The following KCNN3 variants were observed in gnomAD, a reference collection of about 807,000 sequenced individuals.
KCNN3 encodes potassium calcium-activated channel subfamily N member 3.
Under a neutral mutation model 62.9 loss-of-function variants are expected in KCNN3, and 16 were observed. That is an observed-to-expected ratio of 0.25 (90% CI 0.17 to 0.39). The LOEUF is 0.39. Among genes scored for constraint, KCNN3 ranks in the 10% least tolerant of loss-of-function variants. The pLI is 1.00. For missense variants in KCNN3, 599 were observed against 949.4 expected (o/e 0.63, Z 4.85); for synonymous variants, 370 against 389.2 (o/e 0.95, Z 0.58).
At chr1:154,860,830 T>C (rs1053622643) in intron 1 of KCNN3, among the ~76,000 whole-genome samples, 1 of 152,160 alleles carries the variant, frequency 6.6e-6, no homozygotes, top group African/African-American at 2.4e-5. Context: ...ACCCAGTGTG[T>C]GGCTGGCTCT....
intron 1 of KCNN3, among the ~76,000 whole-genome samples, chr1:154,822,461 T>C (rs1650943016): frequency 6.6e-6 from 1 of 152,220 alleles, no homozygotes; most frequent in Non-Finnish European, 1.5e-5. Flanking sequence ...GGGCATGATG[T>C]ATTATGTTTG....
chr1:154,754,972 A>G (rs1647567432), intron 3 of KCNN3, among the ~76,000 whole-genome samples: 1 of 152,214 alleles, frequency 6.6e-6, no homozygotes, highest in South Asian at 2.1e-4. Context: ...GAAGATGTAT[A>G]TAAAACTTGG....
chr1:154,812,572 T>C (rs1056392164), intron 2 of KCNN3, among the ~76,000 whole-genome samples: 11 of 152,298 alleles, frequency 7.2e-5, no homozygotes, highest in African/African-American at 2.6e-4. Context: ...TCTATTAAGC[T>C]GAGCACTTGT....
At chr1:154,728,769 G>T (rs779041196) in intron 4 of KCNN3, among the ~76,000 whole-genome samples, 1 of 152,106 alleles carries the variant, frequency 6.6e-6, no homozygotes, top group Non-Finnish European at 1.5e-5. Context: ...GGGTCAAGGG[G>T]GGAAAGAGAG....
intron 4 of KCNN3, among the ~76,000 whole-genome samples, chr1:154,728,429 G>A (rs1189298537): frequency 6.6e-6 from 1 of 152,126 alleles, no homozygotes; most frequent in Non-Finnish European, 1.5e-5. Context: ...GATGTAATTA[G>A]GGCAGTCACC....
At chr1:154,815,182 T>C (rs1164103554) in intron 2 of KCNN3, among the ~76,000 whole-genome samples, 2 of 152,110 alleles carry the variant, frequency 1.3e-5, no homozygotes, top group Admixed American at 6.5e-5. Flanking sequence ...AATGAAGGTA[T>C]TTCTAATTCA....
chr1:154,817,687 A>G (rs755269754), intron 2 of KCNN3, among the ~76,000 whole-genome samples: 14 of 152,316 alleles, frequency 9.2e-5, no homozygotes, highest in Admixed American at 1.3e-4. Flanking sequence ...TCTGCCTGCT[A>G]GCCTGCCTTC....
At chr1:154,830,460 C>T (rs1651336192) in intron 1 of KCNN3, among the ~76,000 whole-genome samples, 1 of 152,238 alleles carries the variant, frequency 6.6e-6, no homozygotes, top group Admixed American at 6.5e-5. Context: ...TGAAGAAGCC[C>T]CCAGTTGTGT....
intron 6 of KCNN3, 79 bp downstream of exon 6, chr1:154,714,797 T>C: frequency 3.2e-6 from 5 of 1,581,354 alleles, no homozygotes; most frequent in Non-Finnish European, 4.3e-6. Flanking sequence ...GGATTTCTTC[T>C]GTGCTACTGA....
At chr1:154,741,469 T>C (rs2101802461) in intron 3 of KCNN3, among the ~76,000 whole-genome samples, 1 of 152,344 alleles carries the variant, frequency 6.6e-6, no homozygotes, top group South Asian at 2.1e-4. Context: ...GCTTCAGTAA[T>C]TCAGTGAATC....
chr1:154,860,608 G>T (rs1464441788), intron 1 of KCNN3, among the ~76,000 whole-genome samples: 1 of 152,162 alleles, frequency 6.6e-6, no homozygotes. Context: ...ACCCAACAAG[G>T]TCTATCCAGA....
intron 2 of KCNN3, among the ~76,000 whole-genome samples, chr1:154,812,952 C>T (rs1268873991): frequency 1.3e-5 from 2 of 152,198 alleles, no homozygotes; most frequent in Non-Finnish European, 2.9e-5. Context: ...GCCACTCTCC[C>T]GACATTTTCC....
In KCNN3 at chr1:154,755,602, AGGG is replaced by A. The variant is rs1164881344; in HGVS notation, c.1448+16370_1448+16372del. ...AAAGAAAGAAAGAAGGGAGGGAGGG[AGGG>A]GGAGGGAGGGAGGGAAGGAAGGAAA... On this transcript the variant is annotated intron_variant, in intron 3 of 7. Transcript: ENST00000271915. Among the ~76,000 whole-genome samples, 6 of 72,288 alleles carry A rather than the reference AGGG, an allele frequency of 8.3e-5. No individual in the cohort carries two copies. In the Admixed American group the frequency reaches 9.9e-4, roughly 12 times the overall value. The allele number at this position is 72,288 out of a possible 152,430, so 47.4% of individuals were successfully genotyped here.
intron 3 of KCNN3, among the ~76,000 whole-genome samples, chr1:154,748,068 G>T (rs905352706): frequency 1.3e-5 from 2 of 152,168 alleles, no homozygotes; most frequent in African/African-American, 4.8e-5. Context: ...TTGGTTTGTC[G>T]GTCGGCAGGT....
chr1:154,822,013 G>C (rs993469288), intron 2 of KCNN3, 76 bp downstream of exon 2: 1 of 1,061,114 alleles, frequency 9.4e-7, no homozygotes, highest in African/African-American at 1.6e-5. Context: ...TGGGTTTTGG[G>C]GGTGGGGATG....
chr1:154,840,809 G>C (rs1284362012), intron 1 of KCNN3, among the ~76,000 whole-genome samples: 2 of 152,242 alleles, frequency 1.3e-5, no homozygotes, highest in East Asian at 1.9e-4. Flanking sequence ...CAGTACCAGG[G>C]AGCAGAGTGG....
chr1:154,824,652 G>A (rs1332123658), intron 1 of KCNN3, among the ~76,000 whole-genome samples: 2 of 152,190 alleles, frequency 1.3e-5, no homozygotes, highest in Admixed American at 6.5e-5. Flanking sequence ...ACACCTCCCC[G>A]GGAAGGATTT....
intron 1 of KCNN3, among the ~76,000 whole-genome samples, chr1:154,845,230 C>T (rs1218467917): frequency 6.6e-6 from 1 of 152,184 alleles, no homozygotes; most frequent in Non-Finnish European, 1.5e-5. Flanking sequence ...AAGCTGGTAC[C>T]AATTGTTTCA....
At chr1:154,810,495 C>G (rs1650360212) in intron 2 of KCNN3, among the ~76,000 whole-genome samples, 1 of 152,186 alleles carries the variant, frequency 6.6e-6, no homozygotes, top group Non-Finnish European at 1.5e-5. Flanking sequence ...TGAAGCGGGT[C>G]CCAGTTCTGA....
Sources: allele counts gnomAD v4.1 joint callset (sites outside exome capture counted in the v4.1 genomes callset), GRCh38; gene constraint gnomAD v4.1.1; transcripts MANE v1.5; gene names NCBI Gene and HGNC (gene_info 2026-07-23, HGNC 2026-07-21).